The following SDK1 variants were observed in gnomAD, a reference collection of about 807,000 sequenced individuals.
SDK1 encodes the protein protein sidekick-1.
A neutral mutation model predicts 245.5 loss-of-function variants in SDK1; 157 were observed. The ratio of observed to expected loss-of-function variants is 0.64; its 90% confidence interval spans 0.56 to 0.73. SDK1 has a LOEUF of 0.73. Among genes scored for constraint, SDK1 ranks in the 30% least tolerant of loss-of-function variants. The pLI, the probability that SDK1 is intolerant of heterozygous loss-of-function variation, is 0.00. For missense variants in SDK1, 3,583 were observed against 3,002.3 expected, an observed-to-expected ratio of 1.19 and a Z score of -4.52; for synonymous variants, 1,647 against 1,278.5, an observed-to-expected ratio of 1.29 and a Z score of -6.15.
intron 1 of SDK1, among the ~76,000 whole-genome samples, chr7:3,436,980 T>TA (rs1325881369): frequency 6.6e-6 from 1 of 152,104 alleles, no homozygotes; most frequent in Admixed American, 6.6e-5. Context: ...TTAGTCACAA[T>TA]AAAAAAAATT....
intron 5 of SDK1, among the ~76,000 whole-genome samples, chr7:3,950,286 C>T (rs1780750487): frequency 6.6e-6 from 1 of 152,138 alleles, no homozygotes; most frequent in Non-Finnish European, 1.5e-5. Context: ...CATGGGAGTT[C>T]AGGTAGGGGC....
chr7:4,130,186 A>C, intron 27 of SDK1, 89 bp downstream of exon 27: 1 of 1,371,410 alleles, frequency 7.3e-7, no homozygotes, highest in Middle Eastern at 2.5e-4. Context: ...GTCGCTTTTA[A>C]CTTAATTTTC....
At chr7:4,177,624 T>C (rs1449209886) in intron 34 of SDK1, among the ~76,000 whole-genome samples, 1 of 152,246 alleles carries the variant, frequency 6.6e-6, no homozygotes, top group African/African-American at 2.4e-5. Context: ...TTATGTATTC[T>C]AACTCAGGGG....
At chr7:4,218,720 G>A (rs1029550537) in intron 38 of SDK1, among the ~76,000 whole-genome samples, 2 of 152,044 alleles carry the variant, frequency 1.3e-5, no homozygotes, top group African/African-American at 4.8e-5. Flanking sequence ...AGGACGGTGG[G>A]TGCCACTCAC....
chr7:3,619,812 G>C (rs1262640696), intron 2 of SDK1, among the ~76,000 whole-genome samples: 1 of 152,228 alleles, frequency 6.6e-6, no homozygotes, highest in African/African-American at 2.4e-5. Flanking sequence ...CACTGGGGTG[G>C]ACATGATGTG....
intron 35 of SDK1, among the ~76,000 whole-genome samples, chr7:4,190,467 G>A (rs77284335): frequency 0.037 from 5,671 of 152,296 alleles, 155 homozygotes; most frequent in Middle Eastern, 0.13. Context: ...TCCGGAGTCC[G>A]CAGGGGGCTC....
At chr7:3,308,858 A>T (rs557045107) in intron 1 of SDK1, among the ~76,000 whole-genome samples, 5 of 152,218 alleles carry the variant, frequency 3.3e-5, no homozygotes, top group Admixed American at 6.5e-5. Context: ...GCTTAATTTT[A>T]CAACGATGAA....
chr7:3,564,445 C>G (rs76758318), intron 1 of SDK1, among the ~76,000 whole-genome samples: 4 of 151,844 alleles, frequency 2.6e-5, no homozygotes, highest in Admixed American at 2.6e-4. Flanking sequence ...GCCGAGATTG[C>G]GCAACTACTT....
At chr7:3,854,857 AACAG>A (rs776956160) in intron 5 of SDK1, among the ~76,000 whole-genome samples, 4 of 152,188 alleles carry the variant, frequency 2.6e-5, no homozygotes, top group East Asian at 3.9e-4. Context: ...CGCTATAGAG[AACAG>A]ACAAAGTTGG....
intron 4 of SDK1, among the ~76,000 whole-genome samples, chr7:3,753,871 A>C (rs772131384): frequency 6.6e-6 from 1 of 152,180 alleles, no homozygotes; most frequent in Non-Finnish European, 1.5e-5. Flanking sequence ...TTTTTACTGT[A>C]TTTGATAAAA....
chr7:3,672,339 C>G (rs1010036055), intron 4 of SDK1, among the ~76,000 whole-genome samples: 4 of 151,956 alleles, frequency 2.6e-5, no homozygotes, highest in South Asian at 2.1e-4. Flanking sequence ...CTACTGCACC[C>G]CCAAGTTCTT....
chr7:3,779,329 G>C (rs1780655456), intron 4 of SDK1, among the ~76,000 whole-genome samples: 1 of 152,238 alleles, frequency 6.6e-6, no homozygotes, highest in Middle Eastern at 3.4e-3. Context: ...GTGGATAAGA[G>C]CAAGGCAGCT....
intron 4 of SDK1, among the ~76,000 whole-genome samples, chr7:3,671,455 G>T (rs1783698216): frequency 6.6e-6 from 1 of 152,136 alleles, no homozygotes; most frequent in Non-Finnish European, 1.5e-5. Flanking sequence ...ATTGAATGAA[G>T]CTCTGGTCAT....
At chr7:3,791,175 A>C (rs560503289) in intron 4 of SDK1, among the ~76,000 whole-genome samples, 7 of 152,204 alleles carry the variant, frequency 4.6e-5, no homozygotes, top group Admixed American at 1.3e-4. Flanking sequence ...CAAAAAAAAA[A>C]ACACCTGTAC....
intron 22 of SDK1, among the ~76,000 whole-genome samples, chr7:4,099,611 G>C (rs536040177): frequency 7.8e-6 from 1 of 128,492 alleles, no homozygotes; most frequent in Non-Finnish European, 1.6e-5. Context: ...ACTACCTCCA[G>C]GTGAGCTGCT....
intron 4 of SDK1, among the ~76,000 whole-genome samples, chr7:3,773,072 A>G (rs1054253758): frequency 3.3e-5 from 5 of 152,190 alleles, no homozygotes; most frequent in African/African-American, 1.2e-4. Context: ...AGATGTTTGT[A>G]TTCACATCTT....
intron 1 of SDK1, among the ~76,000 whole-genome samples, chr7:3,569,964 C>T (rs1780054520): frequency 6.6e-6 from 1 of 152,168 alleles, no homozygotes; most frequent in South Asian, 2.1e-4. Flanking sequence ...GTGTTTTTCT[C>T]TCACTTTGGC....
At position 4,094,208 on chromosome 7, in the gene SDK1, C is replaced by A. The variant is rs568373393; in HGVS notation, c.3324+14624C>A. Among the ~76,000 whole-genome samples the A allele has an allele frequency of 3.3e-5, 5 of 152,230 alleles. No homozygotes were observed. In the East Asian group the frequency reaches 9.7e-4, roughly 29 times the overall value. On this transcript the variant is annotated intron_variant, in intron 22 of 44. Transcript: ENST00000404826. ...AGTAGAGTGGCTGGGATTACAGGCA[C>A]CTGCCACCACACCCAGCTAATTTTT...
chr7:3,508,805 A>T (rs2128610780), intron 1 of SDK1, among the ~76,000 whole-genome samples: 1 of 152,308 alleles, frequency 6.6e-6, no homozygotes, highest in African/African-American at 2.4e-5. Context: ...TAGGCGTGAA[A>T]TTCTTTGAAG....
Sources: gnomAD v4.1 joint callset for allele counts (sites outside exome capture counted in the v4.1 genomes callset) on GRCh38, gnomAD v4.1.1 for gene constraint, MANE v1.5 for transcripts, NCBI Gene and HGNC (gene_info 2026-07-23, HGNC 2026-07-21) for gene names.